Variants in MTCH2 observed in about 807,000 individuals in gnomAD.
The protein encoded by MTCH2 is mitochondrial carrier homolog 2.
Under a neutral mutation model 50.6 loss-of-function variants are expected in MTCH2, and 25 were observed. The observed-to-expected ratio is 0.49, with a 90% confidence interval of 0.36 to 0.69. MTCH2 has a LOEUF of 0.69. Among genes scored for constraint, MTCH2 ranks in the 30% least tolerant of loss-of-function variants. MTCH2 has a pLI of 0.00. For missense variants in MTCH2, 273 were observed against 384.4 expected, an observed-to-expected ratio of 0.71 and a Z score of 2.42; for synonymous variants, 106 against 132.0, an observed-to-expected ratio of 0.80 and a Z score of 1.35.
At chr11:47,639,187 A>G (rs1488878413) in intron 1 of MTCH2, 136 bp from the exon 2 acceptor site, 3 of 706,890 alleles carry the variant, frequency 4.2e-6, no homozygotes, top group East Asian at 2.7e-5. Flanking sequence ...TTCCAAGGCA[A>G]TGATGAAGCA....
At chr11:47,625,054 C>T (rs1241638954) in intron 11 of MTCH2, among the ~76,000 whole-genome samples, 1 of 152,056 alleles carries the variant, frequency 6.6e-6, no homozygotes, top group African/African-American at 2.4e-5. Flanking sequence ...CACCACTGCA[C>T]TCCAGCCTGG....
At chr11:47,640,473 G>A (rs1202514415) in intron 1 of MTCH2, among the ~76,000 whole-genome samples, 6 of 151,866 alleles carry the variant, frequency 4.0e-5, no homozygotes, top group Non-Finnish European at 1.5e-5. Flanking sequence ...CTGGAGTGCA[G>A]TGGCACGATC....
chr11:47,630,544 C>T lies in MTCH2; in HGVS notation c.539+11G>A. On this transcript the variant is annotated intron_variant, in intron 8 of 12. Transcript: ENST00000302503. ...CATGCAAAAATTACACACTAATCAA[C>T]ATTTACTCACGCGAAAAATCCTAGA... 1 of 1,603,710 alleles carries T rather than the reference C, an allele frequency of 6.2e-7. No individual in the cohort carries two copies. The highest frequency in any genetic ancestry group is 1.1e-5 in the South Asian group (1 of 90,848).
downstream of MTCH2, among the ~76,000 whole-genome samples, chr11:47,614,184 G>A (rs2097287054): frequency 6.6e-6 from 1 of 151,866 alleles, no homozygotes; most frequent in African/African-American, 2.4e-5. Flanking sequence ...CTGGCTTCAT[G>A]TCCTGGAAGA....
rs181444838 is a variant in MTCH2, at chr11:47,619,915, A to G, written c.826-996T>C. ...AACATAGTGAAACCCCATCTCTACT[A>G]AAAATACAAAAATTAGCCGGGCGTA... On this transcript the variant is annotated intron_variant, in intron 12 of 12. Transcript: ENST00000302503. Among the ~76,000 whole-genome samples the G allele has an allele frequency of 6.1e-3, 930 of 152,238 alleles. 9 individuals are homozygous for G. Among genetic ancestry groups the G allele is most frequent in the African/African-American group, 0.021 (892 of 41,542 alleles).
the MTCH2 span, among the ~76,000 whole-genome samples, chr11:47,607,215 T>C: frequency 6.6e-6 from 1 of 152,242 alleles, no homozygotes; most frequent in Non-Finnish European, 1.5e-5. Context: ...GTGATTGAGC[T>C]GACATATGTA....
chr11:47,605,075 C>T, the MTCH2 span, among the ~76,000 whole-genome samples: 1 of 152,106 alleles, frequency 6.6e-6, no homozygotes, highest in South Asian at 2.1e-4. Context: ...GGACTACAGG[C>T]GCCTGCCACC....
At chr11:47,630,950 G>T (rs761360510) in intron 7 of MTCH2, 86 bp downstream of exon 7, 13 of 1,080,138 alleles carry the variant, frequency 1.2e-5, no homozygotes, top group Non-Finnish European at 1.7e-5. Flanking sequence ...CAAATTGTAA[G>T]GGTATCATAA....
At chr11:47,628,437 T>TGTATCGTTCTACAGTAAACA (rs1335749243) in intron 9 of MTCH2, among the ~76,000 whole-genome samples, 6 of 152,240 alleles carry the variant, frequency 3.9e-5, no homozygotes, top group Non-Finnish European at 8.8e-5. Context: ...ACTTTTAACG[T>TGTATCGTTCTACAGTAAACA]GTATCGTTCT....
At chr11:47,625,547 C>A (rs1297542414) in intron 11 of MTCH2, 127 bp downstream of exon 11, 9 of 715,782 alleles carry the variant, frequency 1.3e-5, no homozygotes, top group Admixed American at 2.6e-5. Flanking sequence ...TTCCTCCCCC[C>A]CTTTTTAAAA....
the MTCH2 span, among the ~76,000 whole-genome samples, chr11:47,607,733 G>A: frequency 6.6e-6 from 1 of 152,152 alleles, no homozygotes; most frequent in Admixed American, 6.5e-5. Context: ...AGAGCCCGTC[G>A]GAGAGGGAAA....
At chr11:47,628,826 C>T (rs939456200) in intron 9 of MTCH2, 127 bp downstream of exon 9, 1 of 728,790 alleles carries the variant, frequency 1.4e-6, no homozygotes, top group Non-Finnish European at 2.3e-6. Flanking sequence ...GATCCGCCCA[C>T]ATTGGCCTCC....
At chr11:47,640,603 AG>A (rs2097313189) in intron 1 of MTCH2, among the ~76,000 whole-genome samples, 1 of 151,760 alleles carries the variant, frequency 6.6e-6, no homozygotes, top group South Asian at 2.1e-4. Flanking sequence ...TTTAGTAGAG[AG>A]GGGGTTTTGC....
In MTCH2 at chr11:47,629,374, G is replaced by C. The variant is rs2097300915; in HGVS notation, c.540-328C>G. The C allele has an allele frequency of 1.6e-5, 4 of 249,552 alleles. No individual in the cohort carries two copies. The East Asian group carries it at 3.4e-4, about 21-fold the overall frequency. The allele number at this position is 249,552 out of a possible 1,614,324, so 15.5% of individuals were successfully genotyped here. ...GCAGAAGAGACTTAAATATTGTTTT[G>C]CTTTGACTAGCTTAAAAAAATGATT... On this transcript the variant is annotated intron_variant, in intron 8 of 12. Transcript: ENST00000302503.
chr11:47,617,272 TAG>T, downstream of MTCH2: 1 of 152,122 alleles, frequency 6.6e-6, no homozygotes, highest in Non-Finnish European at 1.5e-5. Context: ...CAACTAGGAA[TAG>T]GCAAGCATGA....
At chr11:47,642,008 A>G (rs2097314621) in intron 1 of MTCH2, among the ~76,000 whole-genome samples, 1 of 152,148 alleles carries the variant, frequency 6.6e-6, no homozygotes, top group Non-Finnish European at 1.5e-5. Flanking sequence ...TGGGGGGAGT[A>G]GTGGTGAATG....
At chr11:47,619,462 G>A (rs965300855) in intron 12 of MTCH2, among the ~76,000 whole-genome samples, 1 of 152,168 alleles carries the variant, frequency 6.6e-6, no homozygotes, top group East Asian at 1.9e-4. Context: ...TCAAACTCCT[G>A]ACCTCAAGTG....
At chr11:47,631,612 T>C in intron 6 of MTCH2, 42 bp downstream of exon 6, 1 of 1,599,080 alleles carries the variant, frequency 6.3e-7, no homozygotes, top group Non-Finnish European at 8.6e-7. Context: ...TCAGGAGAGA[T>C]CAGGTTATAA....
chr11:47,624,660 T>G (rs1337791636), intron 11 of MTCH2, among the ~76,000 whole-genome samples: 2 of 152,142 alleles, frequency 1.3e-5, no homozygotes, highest in African/African-American at 2.4e-5. Flanking sequence ...TAGCCAGGCA[T>G]GGTGGCATGC....
Sources: gnomAD v4.1 joint callset for allele counts (sites outside exome capture counted in the v4.1 genomes callset) on GRCh38, gnomAD v4.1.1 for gene constraint, MANE v1.5 for transcripts, NCBI Gene and HGNC (gene_info 2026-07-23, HGNC 2026-07-21) for gene names.